The following ARHGAP10 variants were observed in gnomAD, a reference collection of about 807,000 sequenced individuals.
ARHGAP10 encodes the protein rho GTPase-activating protein 10.
ARHGAP10 carries 87 observed loss-of-function variants against 108.6 expected under a neutral mutation model. That is an observed-to-expected ratio of 0.80 (90% CI 0.67 to 0.96). The LOEUF is 0.96. Among genes scored for constraint, ARHGAP10 ranks in the 40% least tolerant of loss-of-function variants. The pLI, the probability that ARHGAP10 is intolerant of heterozygous loss-of-function variation, is 0.00. For missense variants in ARHGAP10, 939 were observed against 954.5 expected (o/e 0.98, Z 0.21); for synonymous variants, 347 against 341.1 (o/e 1.02, Z -0.19).
intron 1 of ARHGAP10, among the ~76,000 whole-genome samples, chr4:147,768,824 C>T (rs377292968): frequency 8.0e-4 from 121 of 151,486 alleles, no homozygotes; most frequent in African/African-American, 2.6e-3. Context: ...CTGCAGCCTC[C>T]GCCTCCTGGG....
rs776184630 is a variant in ARHGAP10, at chr4:147,832,646, C to CAAAAA, written c.312+9703_312+9707dup. On this transcript the variant is annotated intron_variant, in intron 3 of 22. Coordinates refer to ENST00000336498, the MANE Select transcript of ARHGAP10 (RefSeq NM_024605.4). Reference sequence around the variant, plus strand: ...TGGGTAACAGAGCAAGACTCTGTCTCAAAAAAAAAAAAAAAAAAGGAAATT... The same window carrying CAAAAA: ...TGGGTAACAGAGCAAGACTCTGTCTCAAAAAAAAAAAAAAAAAAAAAAAGGAAATT... Among the ~76,000 whole-genome samples, 38 of 63,516 alleles carry CAAAAA rather than the reference C, an allele frequency of 6.0e-4. 3 individuals are homozygous for CAAAAA. The highest frequency in any genetic ancestry group is 1.7e-4 in the African/African-American group (3 of 17,526). 41.7% of individuals were successfully genotyped at this position (63,516 alleles called of 152,430 possible). A position where few individuals can be genotyped will look rare whatever the true frequency, so the allele number is the denominator to read the frequency against.
intron 8 of ARHGAP10, among the ~76,000 whole-genome samples, chr4:147,878,799 C>T (rs1047851541): frequency 6.2e-4 from 63 of 101,546 alleles, no homozygotes; most frequent in Non-Finnish European, 5.5e-4. Flanking sequence ...TTTTTTGAGT[C>T]GGAGTCTCGC....
chr4:147,827,315 A>G (rs1732750273), intron 3 of ARHGAP10, among the ~76,000 whole-genome samples: 1 of 152,246 alleles, frequency 6.6e-6, no homozygotes, highest in Non-Finnish European at 1.5e-5. Flanking sequence ...ACTTGCCTCA[A>G]GAAATTTCCA....
Position 147,857,556 on chromosome 4 carries a change from G to GA in ARHGAP10, c.395dup (p.Lys133GlufsTer3). On this transcript the variant is annotated frameshift_variant, in exon 5 of 23. Coordinates refer to ENST00000336498, the MANE Select transcript of ARHGAP10 (RefSeq NM_024605.4). LOFTEE classifies it high-confidence loss of function. ...ATAGTTTTTTTTTTATTTGTAGGAA[G>GA]AAAAAAAGAAGTTTGACAAAGAGAC... 2 of 1,456,210 alleles carry GA rather than the reference G, an allele frequency of 1.4e-6. No homozygotes were observed. The highest frequency in any genetic ancestry group is 9.1e-7 in the Non-Finnish European group (1 of 1,102,740). The allele number at this position is 1,456,210 out of a possible 1,614,324, so 90.2% of individuals were successfully genotyped here. A position where few individuals can be genotyped will look rare whatever the true frequency, so the allele number is the denominator to read the frequency against.
intron 1 of ARHGAP10, among the ~76,000 whole-genome samples, chr4:147,798,759 CTCTCTCTCTCTCTCTCTCTCTCTA>C (rs1299012894): frequency 2.5e-4 from 11 of 44,114 alleles, no homozygotes; most frequent in South Asian, 1.8e-3. Context: ...CTCTCTCTCT[CTCTCTCTCTCTCTCTCTCTCTCTA>C]TATATATATA....
chr4:147,854,100 G>T (rs1733991978), intron 4 of ARHGAP10, among the ~76,000 whole-genome samples: 1 of 151,490 alleles, frequency 6.6e-6, no homozygotes, highest in Admixed American at 6.6e-5. Context: ...TCTTTTTTTT[G>T]ACCCAAAATG....
chr4:148,010,572 A>G (rs1400913136), intron 18 of ARHGAP10, among the ~76,000 whole-genome samples: 4 of 152,156 alleles, frequency 2.6e-5, no homozygotes, highest in Non-Finnish European at 5.9e-5. Flanking sequence ...TTGTTGAATA[A>G]TTTGAGACTA....
intron 15 of ARHGAP10, among the ~76,000 whole-genome samples, chr4:147,954,372 T>C (rs553765835): frequency 6.6e-6 from 1 of 152,050 alleles, no homozygotes; most frequent in Non-Finnish European, 1.5e-5. Context: ...GTTTTGGGGC[T>C]CTCTTATTAG....
intron 6 of ARHGAP10, 111 bp downstream of exon 6, chr4:147,865,067 A>T: frequency 1.1e-6 from 1 of 906,264 alleles, no homozygotes; most frequent in Non-Finnish European, 1.7e-6. Context: ...GTGCATAAAC[A>T]TGAAAGAGAC....
chr4:147,825,175 C>CA (rs1732658348), intron 3 of ARHGAP10, among the ~76,000 whole-genome samples: 1 of 22,872 alleles, frequency 4.4e-5, no homozygotes, highest in African/African-American at 1.8e-4. Context: ...GGGCTGGGCG[C>CA]AGTGGCTGAT....
rs193249715 is a variant in ARHGAP10, at chr4:147,870,347, C to T, written c.702+3531C>T. On this transcript the variant is annotated intron_variant, in intron 7 of 22. Coordinates refer to ENST00000336498, the MANE Select transcript of ARHGAP10 (RefSeq NM_024605.4). ...AAGTGTTGGGATTACAGGCGTGAGC[C>T]ACCGCGCCCGGCCGCATATATGTAT... Among the ~76,000 whole-genome samples the T allele has an allele frequency of 1.3e-3, 200 of 152,280 alleles. 2 individuals carry two copies. The highest frequency in any genetic ancestry group is 4.6e-3 in the African/African-American group (192 of 41,550).
chr4:147,972,802 T>G (rs950977823), intron 18 of ARHGAP10, among the ~76,000 whole-genome samples: 6 of 152,004 alleles, frequency 3.9e-5, no homozygotes, highest in African/African-American at 1.4e-4. Context: ...TTGCCCAGGC[T>G]GGAGTGCAGT....
At chr4:147,987,260 C>T (rs574787313) in intron 18 of ARHGAP10, among the ~76,000 whole-genome samples, 265 of 152,290 alleles carry the variant, frequency 1.7e-3, no homozygotes, top group Middle Eastern at 3.4e-3. Context: ...AATACATATA[C>T]TGTTGAAGCT....
At chr4:147,928,392 G>A (rs1311792351) in intron 13 of ARHGAP10, among the ~76,000 whole-genome samples, 1 of 152,154 alleles carries the variant, frequency 6.6e-6, no homozygotes, top group Non-Finnish European at 1.5e-5. Flanking sequence ...TTGAGTCTCT[G>A]GTTTGTTTGG....
chr4:147,828,557 C>T (rs75076449), intron 3 of ARHGAP10, among the ~76,000 whole-genome samples: 16 of 152,226 alleles, frequency 1.1e-4, no homozygotes, highest in African/African-American at 2.4e-4. Flanking sequence ...CAACATGCTT[C>T]GTGGTAATCA....
Position 147,822,971 on chromosome 4 carries a change from G to A in ARHGAP10, c.312+14G>A. The A allele has an allele frequency of 6.2e-7, 1 of 1,606,364 alleles. No individual in the cohort carries two copies. Among genetic ancestry groups the A allele is most frequent in the Non-Finnish European group, 8.5e-7 (1 of 1,174,598 alleles). On this transcript the variant is annotated intron_variant, in intron 3 of 22. Transcript: ENST00000336498. Reference sequence around the variant, plus strand: ...AGAGAAATTATGGTGAGTTGAGAGGGGTGTAAATTAATAAGTCAGCTTTCA... The same window carrying A: ...AGAGAAATTATGGTGAGTTGAGAGGAGTGTAAATTAATAAGTCAGCTTTCA...
chr4:147,897,708 T>A (rs1560815658), intron 10 of ARHGAP10, among the ~76,000 whole-genome samples: 1 of 152,198 alleles, frequency 6.6e-6, no homozygotes, highest in Non-Finnish European at 1.5e-5. Context: ...ATGTGGGAAT[T>A]ACATAGCATT....
chr4:148,000,452 G>T (rs531841123), intron 18 of ARHGAP10, among the ~76,000 whole-genome samples: 1 of 152,308 alleles, frequency 6.6e-6, no homozygotes, highest in African/African-American at 2.4e-5. Context: ...GTAATGGGAT[G>T]GCTGGGTCAT....
At chr4:147,824,102 C>G (rs963964403) in intron 3 of ARHGAP10, among the ~76,000 whole-genome samples, 1 of 151,748 alleles carries the variant, frequency 6.6e-6, no homozygotes, top group Non-Finnish European at 1.5e-5. Flanking sequence ...GGCGAGTCAC[C>G]TGAGGTCAGG....
Sources: allele counts gnomAD v4.1 joint callset (sites outside exome capture counted in the v4.1 genomes callset), GRCh38; gene constraint gnomAD v4.1.1; transcripts MANE v1.5; gene names NCBI Gene and HGNC (gene_info 2026-07-23, HGNC 2026-07-21).